SGCD: variants seen among roughly 807,000 people sequenced by gnomAD.
SGCD encodes the protein sarcoglycan delta, also known as delta-sarcoglycan.
SGCD carries 18 observed loss-of-function variants against 36.6 expected under a neutral mutation model. The observed-to-expected ratio is 0.49, with a 90% CI of 0.34 to 0.73. SGCD has a LOEUF of 0.73. Ranked by LOEUF, SGCD falls within the 30% of genes least tolerant of loss-of-function variation. SGCD has a pLI of 0.01. For missense variants in SGCD, 387 were observed against 346.7 expected (o/e 1.12, Z -0.92); for synonymous variants, 133 against 130.6 (o/e 1.02, Z -0.12).
chr5:156,002,703 A>G (rs1347085698), intron 1 of SGCD, among the ~76,000 whole-genome samples: 1 of 152,194 alleles, frequency 6.6e-6, no homozygotes, highest in Non-Finnish European at 1.5e-5. Flanking sequence ...GCTGCTTCAA[A>G]AAGCAGACTC....
At chr5:156,294,951 G>A (rs1766857350) in intron 3 of SGCD, among the ~76,000 whole-genome samples, 1 of 152,132 alleles carries the variant, frequency 6.6e-6, no homozygotes, top group South Asian at 2.1e-4. Context: ...TTATTGTAGT[G>A]TTTGTCTGTC....
At chr5:155,876,623 C>A (rs148439884) in intron 1 of SGCD, among the ~76,000 whole-genome samples, 1 of 152,034 alleles carries the variant, frequency 6.6e-6, no homozygotes, top group Admixed American at 6.6e-5. Flanking sequence ...AGCTTAGCTG[C>A]GTTTCTTCCT....
chr5:156,172,302 A>C (rs989771529), intron 3 of SGCD, among the ~76,000 whole-genome samples: 1 of 152,102 alleles, frequency 6.6e-6, no homozygotes, highest in South Asian at 2.1e-4. Context: ...AAACAAAAAC[A>C]AACAAACAAA....
At chr5:156,620,083 A>G (rs961589251) in intron 6 of SGCD, among the ~76,000 whole-genome samples, 4 of 152,198 alleles carry the variant, frequency 2.6e-5, no homozygotes, top group African/African-American at 9.6e-5. Context: ...ATAAGTGAGT[A>G]TGGGGTGTGG....
At chr5:156,318,545 C>T (rs977821509) in intron 3 of SGCD, among the ~76,000 whole-genome samples, 2 of 151,626 alleles carry the variant, frequency 1.3e-5, no homozygotes, top group African/African-American at 2.4e-5. Context: ...ATGAACTCTT[C>T]GTACTTTTTT....
At chr5:156,516,043 G>T (rs944203792) in intron 4 of SGCD, among the ~76,000 whole-genome samples, 7 of 152,236 alleles carry the variant, frequency 4.6e-5, no homozygotes, top group Non-Finnish European at 7.3e-5. Context: ...CCCCCAGGGG[G>T]AGAAGCAGCT....
chr5:156,465,156 C>G (rs1395488298), intron 3 of SGCD, among the ~76,000 whole-genome samples: 1 of 152,152 alleles, frequency 6.6e-6, no homozygotes, highest in African/African-American at 2.4e-5. Context: ...ATCAGTGTTA[C>G]ATCCTCTAGG....
At position 156,379,262 on chromosome 5, in the gene SGCD, T is replaced by C. The variant is rs575436816; in HGVS notation, c.192+34585T>C. 2.6e-5 allele frequency among the ~76,000 whole-genome samples: 4 copies of C among 152,076 alleles called. No homozygotes were observed. In the South Asian group the frequency reaches 6.2e-4, roughly 24 times the overall value. On this transcript the variant is annotated intron_variant, in intron 3 of 8. Coordinates refer to ENST00000337851, the MANE Select transcript of SGCD (RefSeq NM_000337.6). The stretch of plus-strand genomic sequence containing the variant: ...AGGAAAAATAAGTCATAGATGGAGG[T>C]TAGAAAATGTCATTGGAGGATTAGA...
At chr5:156,069,900 T>C (rs1320339374) in intron 1 of SGCD, among the ~76,000 whole-genome samples, 1 of 152,090 alleles carries the variant, frequency 6.6e-6, no homozygotes, top group Non-Finnish European at 1.5e-5. Context: ...CAATTGTGAA[T>C]GGGAGTTCAC....
chr5:156,287,980 T>A (rs1421931466), intron 3 of SGCD, among the ~76,000 whole-genome samples: 1 of 152,128 alleles, frequency 6.6e-6, no homozygotes, highest in Non-Finnish European at 1.5e-5. Context: ...ATGACAGTGA[T>A]CTTTATTTGC....
intron 3 of SGCD, among the ~76,000 whole-genome samples, chr5:156,470,695 G>T (rs1262560336): frequency 6.6e-6 from 1 of 152,038 alleles, no homozygotes; most frequent in African/African-American, 2.4e-5. Context: ...ATACAAGTTT[G>T]TACTGTAACA....
At chr5:155,998,539 G>A (rs1758600745) in intron 1 of SGCD, among the ~76,000 whole-genome samples, 1 of 151,968 alleles carries the variant, frequency 6.6e-6, no homozygotes, top group South Asian at 2.1e-4. Context: ...TTCATTGATG[G>A]CATTGCCACA....
rs1044231609 is a variant in SGCD at position 156,075,102 on chromosome 5, T to G, written c.-281-42776T>G. Among the ~76,000 whole-genome samples the G allele has an allele frequency of 2.6e-5, 4 of 152,320 alleles. No homozygotes were observed. In the East Asian group the frequency reaches 7.7e-4, roughly 29 times the overall value. On this transcript the variant is annotated intron_variant, in intron 1 of 9. Coordinates refer to the SGCD transcript ENST00000517913. ...TACGAAAAGGACATCTCTTCATTTA[T>G]TAAGGAAGTTTCAGTGTTTTTAGGT...
intron 1 of SGCD, among the ~76,000 whole-genome samples, chr5:156,061,821 G>A (rs908521678): frequency 4.1e-5 from 6 of 144,964 alleles, no homozygotes; most frequent in Non-Finnish European, 6.2e-5. Flanking sequence ...ACATGTGTTG[G>A]AGTGTTCCTC....
intron 1 of SGCD, among the ~76,000 whole-genome samples, chr5:155,895,505 A>G (rs532211293): frequency 1.3e-5 from 2 of 152,344 alleles, no homozygotes; most frequent in East Asian, 3.9e-4. Flanking sequence ...CCAGGGGTTC[A>G]TGAAATAACA....
At chr5:156,648,068 A>T (rs1763298762) in intron 7 of SGCD, among the ~76,000 whole-genome samples, 1 of 152,130 alleles carries the variant, frequency 6.6e-6, no homozygotes, top group Non-Finnish European at 1.5e-5. Flanking sequence ...CACCACCAGC[A>T]ACTAAGGAAA....
intron 7 of SGCD, among the ~76,000 whole-genome samples, chr5:156,702,338 C>T (rs1378996798): frequency 6.6e-6 from 1 of 152,006 alleles, no homozygotes; most frequent in Non-Finnish European, 1.5e-5. Flanking sequence ...CTTAACAAGT[C>T]CTTATTGCTC....
intron 4 of SGCD, among the ~76,000 whole-genome samples, chr5:156,524,734 C>T (rs1168187761): frequency 6.6e-6 from 1 of 151,930 alleles, no homozygotes; most frequent in East Asian, 1.9e-4. Flanking sequence ...TGATGAACAT[C>T]TTGTTTCACC....
chr5:155,813,539 A>G, the SGCD span, among the ~76,000 whole-genome samples: 3 of 152,152 alleles, frequency 2.0e-5, no homozygotes, highest in South Asian at 2.1e-4. Flanking sequence ...CTGAGAAGTG[A>G]TCATATTCCC....
Sources: allele counts gnomAD v4.1 joint callset (sites outside exome capture counted in the v4.1 genomes callset), GRCh38; gene constraint gnomAD v4.1.1; transcripts MANE v1.5; gene names NCBI Gene and HGNC (gene_info 2026-07-23, HGNC 2026-07-21).